Variants in EDA observed in about 807,000 individuals in gnomAD.
The protein encoded by EDA is ectodysplasin-A.
Under a neutral mutation model 23.6 loss-of-function variants are expected in EDA, and 2 were observed. The observed-to-expected ratio is 0.08, with a 90% confidence interval of 0.03 to 0.27. The LOEUF is 0.27. Ranked by LOEUF, EDA falls within the 10% of genes least tolerant of loss-of-function variation. The probability of loss-of-function intolerance (pLI) is 1.00; values close to 1 mark genes in which losing one functional copy is unlikely to be tolerated. For missense variants in EDA, 229 were observed against 324.2 expected (o/e 0.71, Z 2.26); for synonymous variants, 131 against 132.0 (o/e 0.99, Z 0.05).
chrX:69,722,386 T>A (rs1459803188), intron 1 of EDA, among the ~76,000 whole-genome samples: 1 of 109,927 alleles, frequency 9.1e-6, no homozygotes, highest in African/African-American at 3.3e-5. Context: ...TTTTGTATTT[T>A]TAGTAGAGAC....
chrX:69,848,778 CCAA>C (rs2017059529), intron 1 of EDA, among the ~76,000 whole-genome samples: 1 of 111,372 alleles, frequency 9.0e-6, no homozygotes, highest in Non-Finnish European at 1.9e-5. Context: ...AACTGAAATT[CCAA>C]CAAGTGTCCA....
At chrX:69,647,518 T>C (rs2147238174) in intron 1 of EDA, among the ~76,000 whole-genome samples, 1 of 112,104 alleles carries the variant, frequency 8.9e-6, no homozygotes, top group East Asian at 2.8e-4. Flanking sequence ...AGTTCTCGTG[T>C]TGTGTTTTTC....
At chrX:69,816,546 A>G (rs1390660370) in intron 1 of EDA, among the ~76,000 whole-genome samples, 1 of 112,005 alleles carries the variant, frequency 8.9e-6, no homozygotes, top group Non-Finnish European at 1.9e-5. Context: ...AGAACTTCAC[A>G]ATGCAATCAA....
chrX:69,716,361 C>T (rs750144189), intron 1 of EDA, among the ~76,000 whole-genome samples: 11 of 111,606 alleles, frequency 9.9e-5, no homozygotes, highest in Admixed American at 2.9e-4. Context: ...TTGACTTTGT[C>T]AAAGATCAGA....
chrX:69,700,005 C>T (rs778336114), intron 1 of EDA, among the ~76,000 whole-genome samples: 2 of 110,774 alleles, frequency 1.8e-5, no homozygotes, highest in Non-Finnish European at 1.9e-5. Flanking sequence ...GAGGGATATG[C>T]GGTCGGTTGT....
At chrX:69,770,619 C>A (rs2014601643) in intron 1 of EDA, among the ~76,000 whole-genome samples, 1 of 111,555 alleles carries the variant, frequency 9.0e-6, no homozygotes, top group Non-Finnish European at 1.9e-5. Context: ...ATGTATTCAA[C>A]ATACTAGTCC....
chrX:69,677,318 A>T (rs1371465594), intron 1 of EDA, among the ~76,000 whole-genome samples: 1 of 109,589 alleles, frequency 9.1e-6, no homozygotes, highest in Non-Finnish European at 1.9e-5. Context: ...TAGCAGCATG[A>T]TTTATAGTCC....
chrX:69,834,905 C>A (rs1221963268), intron 1 of EDA, among the ~76,000 whole-genome samples: 1 of 111,315 alleles, frequency 9.0e-6, no homozygotes, highest in Non-Finnish European at 1.9e-5. Context: ...GTAAGGCAGG[C>A]CTGGTGGTGA....
intron 1 of EDA, among the ~76,000 whole-genome samples, chrX:69,727,765 TC>T (rs886924908): frequency 3.6e-5 from 4 of 112,141 alleles, no homozygotes; most frequent in Non-Finnish European, 5.6e-5. Context: ...TTTTTCCTAT[TC>T]CTAAAGCATT....
chrX:69,788,949 G>A (rs12848978), intron 1 of EDA, among the ~76,000 whole-genome samples: 33,453 of 111,239 alleles, frequency 0.3, 4,746 homozygotes, highest in Middle Eastern at 0.54. Flanking sequence ...GCGAGACTCC[G>A]TGGGCGTAGG....
chrX:69,719,451 T>G (rs2012486035), intron 1 of EDA, among the ~76,000 whole-genome samples: 1 of 110,997 alleles, frequency 9.0e-6, no homozygotes, highest in Admixed American at 9.6e-5. Flanking sequence ...GTCACCTGAA[T>G]AGTGTCTACA....
At chrX:69,686,588 C>T (rs1211984453) in intron 1 of EDA, among the ~76,000 whole-genome samples, 2 of 111,234 alleles carry the variant, frequency 1.8e-5, no homozygotes, top group East Asian at 5.6e-4. Flanking sequence ...ACCCATTTTT[C>T]CTGAACCCTC....
Position 70,017,550 on chromosome X carries a change from G to A in EDA, c.503-5668G>A, listed in dbSNP as rs191893915. On this transcript the variant is annotated intron_variant, in intron 2 of 7. Coordinates refer to ENST00000374552, the MANE Select transcript of EDA (RefSeq NM_001399.5). ...GGAATGCAAGGTTTGTTCAATGTAC[G>A]TAAATCAATAAAAATTATTCACCAC... Among the ~76,000 whole-genome samples, 330 of 112,129 alleles carry A rather than the reference G, an allele frequency of 2.9e-3. 1 individual carries two copies. The highest frequency in any genetic ancestry group is 5.1e-3 in the Non-Finnish European group (270 of 53,240).
chrX:69,833,143 T>G (rs1310182995), intron 1 of EDA, among the ~76,000 whole-genome samples: 2 of 111,805 alleles, frequency 1.8e-5, no homozygotes, highest in East Asian at 2.8e-4. Flanking sequence ...TGCTTCCAGT[T>G]TTTGCCCATT....
intron 1 of EDA, among the ~76,000 whole-genome samples, chrX:69,791,260 A>G (rs1369288731): frequency 8.9e-6 from 1 of 112,350 alleles, no homozygotes; most frequent in Non-Finnish European, 1.9e-5. Flanking sequence ...AGATAGGAAT[A>G]GTAAAAATAA....
chrX:69,763,929 CCAG>C (rs1320497396), intron 1 of EDA, among the ~76,000 whole-genome samples: 1 of 111,463 alleles, frequency 9.0e-6, no homozygotes, highest in Non-Finnish European at 1.9e-5. Flanking sequence ...CTTTAGAAAA[CCAG>C]ACTAGCGTTG....
intron 1 of EDA, among the ~76,000 whole-genome samples, chrX:69,956,342 C>CT (rs200365541): frequency 2.6e-4 from 19 of 73,680 alleles, no homozygotes; most frequent in East Asian, 2.0e-3. Flanking sequence ...TTTCTTTCTT[C>CT]TTTTTTTTTT....
chrX:69,901,355 A>C, intron 1 of EDA, among the ~76,000 whole-genome samples: 1 of 112,374 alleles, frequency 8.9e-6, no homozygotes, highest in Non-Finnish European at 1.9e-5. Flanking sequence ...CTAGCAATTA[A>C]AGCAAAATGT....
At chrX:69,720,854 G>A (rs933789015) in intron 1 of EDA, among the ~76,000 whole-genome samples, 2 of 112,256 alleles carry the variant, frequency 1.8e-5, no homozygotes, top group African/African-American at 3.2e-5. Context: ...TCATCCCAGT[G>A]TTGATCTTAG....
Sources: gnomAD v4.1 joint callset for allele counts (sites outside exome capture counted in the v4.1 genomes callset) on GRCh38, gnomAD v4.1.1 for gene constraint, MANE v1.5 for transcripts, NCBI Gene and HGNC (gene_info 2026-07-23, HGNC 2026-07-21) for gene names.